The following PPFIA1 variants were observed in gnomAD, a reference collection of about 807,000 sequenced individuals.
The protein encoded by PPFIA1 is PPFI scaffold protein A1.
PPFIA1 carries 25 observed loss-of-function variants against 149.9 expected under a neutral mutation model. The observed-to-expected ratio is 0.17, with a 90% CI of 0.12 to 0.23. PPFIA1 has a LOEUF of 0.23. Ranked by LOEUF, PPFIA1 falls within the 10% of genes least tolerant of loss-of-function variation. PPFIA1 has a pLI of 1.00. For missense variants in PPFIA1, 1,362 were observed against 1,506.5 expected, an observed-to-expected ratio of 0.90 and a Z score of 1.59; for synonymous variants, 549 against 552.8, an observed-to-expected ratio of 0.99 and a Z score of 0.10.
At chr11:70,279,172 T>G (rs1449004512) in intron 2 of PPFIA1, 1 of 473,114 alleles carries the variant, frequency 2.1e-6, no homozygotes, top group East Asian at 4.9e-5. Context: ...CGTCCAGGAC[T>G]GATTGTCCTA....
At chr11:70,371,461 G>GTTGTTGGGTGGATTGTTGTA (rs2057250899) in intron 21 of PPFIA1, 18 of 5,124 alleles carry the variant, frequency 3.5e-3, no homozygotes, top group African/African-American at 9.0e-3. Flanking sequence ...GGCGTGTTCT[G>GTTGTTGGGTGGATTGTTGTA]TATTCTCTTG....
At chr11:70,319,870 T>G (rs928681237) in intron 2 of PPFIA1, 4 of 152,194 alleles carry the variant, frequency 2.6e-5, no homozygotes, top group African/African-American at 9.7e-5. Flanking sequence ...TACAGCATGT[T>G]CAGAATTCAG....
intron 27 of PPFIA1, among the ~76,000 whole-genome samples, chr11:70,382,540 C>T (rs2057752325): frequency 2.0e-5 from 3 of 152,072 alleles, no homozygotes; most frequent in Non-Finnish European, 4.4e-5. Context: ...GATTCCTAAG[C>T]TTGCTTTGTT....
intron 2 of PPFIA1, among the ~76,000 whole-genome samples, chr11:70,293,615 T>C (rs2051689278): frequency 6.6e-6 from 1 of 152,220 alleles, no homozygotes; most frequent in Non-Finnish European, 1.5e-5. Context: ...TGGCGTCTTC[T>C]GGTCTGCCAT....
At chr11:70,353,064 G>A (rs577378177) in intron 16 of PPFIA1, among the ~76,000 whole-genome samples, 2 of 152,312 alleles carry the variant, frequency 1.3e-5, no homozygotes, top group South Asian at 2.1e-4. Flanking sequence ...ATTAGGAAAG[G>A]ATGCAGGATT....
chr11:70,354,291 C>A lies in PPFIA1; in HGVS notation c.2164-10C>A. ...CTGTTAACTAACTTTGCACTTCTCTCACCCCTCAGTTGCCACCTTCCAGAG... is the reference window on the plus strand; with the variant it reads ...CTGTTAACTAACTTTGCACTTCTCTAACCCCTCAGTTGCCACCTTCCAGAG... On this transcript the variant is annotated splice_polypyrimidine_tract_variant and intron_variant, in intron 16 of 27. Coordinates refer to ENST00000253925, the MANE Select transcript of PPFIA1 (RefSeq NM_003626.5). 1 of 1,607,724 alleles carries A rather than the reference C, an allele frequency of 6.2e-7. No homozygotes were observed. Among genetic ancestry groups the A allele is most frequent in the Non-Finnish European group, 8.5e-7 (1 of 1,176,674 alleles).
At chr11:70,280,177 G>A (rs1231739803) in intron 2 of PPFIA1, among the ~76,000 whole-genome samples, 1 of 151,316 alleles carries the variant, frequency 6.6e-6, no homozygotes, top group Non-Finnish European at 1.5e-5. Context: ...GAAAGTGTTG[G>A]GATTACAGGC....
chr11:70,307,325 T>A (rs1302872556), intron 2 of PPFIA1, among the ~76,000 whole-genome samples: 2 of 152,180 alleles, frequency 1.3e-5, no homozygotes, highest in Middle Eastern at 3.2e-3. Context: ...ATAAACCTCA[T>A]CAGTAGTTGA....
chr11:70,355,617 G>C (rs1353525757), intron 17 of PPFIA1, 22 bp from the exon 18 acceptor site: 4 of 1,581,576 alleles, frequency 2.5e-6, no homozygotes, highest in Non-Finnish European at 1.7e-6. Context: ...ACATAGTAAA[G>C]ATCCGTTTTC....
At chr11:70,291,444 G>A (rs2051517367) in intron 2 of PPFIA1, among the ~76,000 whole-genome samples, 1 of 152,140 alleles carries the variant, frequency 6.6e-6, no homozygotes, top group African/African-American at 2.4e-5. Flanking sequence ...GATGCAGAAA[G>A]GCTTAAAGAA....
intron 2 of PPFIA1, among the ~76,000 whole-genome samples, chr11:70,288,115 C>A (rs1161721623): frequency 6.6e-6 from 1 of 150,992 alleles, no homozygotes; most frequent in African/African-American, 2.4e-5. Flanking sequence ...TGCTCTGTCG[C>A]CCAGGCTGGA....
chr11:70,273,392 G>A (rs1220268936), intron 2 of PPFIA1, among the ~76,000 whole-genome samples: 4 of 152,208 alleles, frequency 2.6e-5, no homozygotes. Context: ...AAGGGAGAAA[G>A]TAAAAACTAG....
At chr11:70,302,214 A>T (rs1007081645) in intron 2 of PPFIA1, among the ~76,000 whole-genome samples, 1 of 152,188 alleles carries the variant, frequency 6.6e-6, no homozygotes, top group African/African-American at 2.4e-5. Context: ...GATCGTGGGG[A>T]TGGCAGCAGT....
At chr11:70,316,557 G>A (rs2136637167) in intron 2 of PPFIA1, among the ~76,000 whole-genome samples, 1 of 152,356 alleles carries the variant, frequency 6.6e-6, no homozygotes, top group African/African-American at 2.4e-5. Context: ...GAAGAGGAAA[G>A]GGTAAGGGGT....
Position 70,354,371 on chromosome 11 carries a change from C to G in PPFIA1, c.2234C>G (p.Ser745Cys). ...TIKCETSPPSSPRALRLDRLH... is the reference protein window; with the variant it reads ...TIKCETSPPSCPRALRLDRLH... ...AAGTGTGAAACCTCCCCGCCTTCCT[C>G]CCCGAGAGCCCTTCGGTTAGACCGG... Residue 745 changes from serine to cysteine, a missense_variant, in exon 17 of 28, where the codon TCC (serine) becomes TGC (cysteine). Ser to Cys is a moderately radical substitution (Grantham distance 112). Coordinates refer to ENST00000253925, the MANE Select transcript of PPFIA1 (RefSeq NM_003626.5). 1 of 1,614,126 alleles carries G rather than the reference C, an allele frequency of 6.2e-7. No individual in the cohort carries two copies.
At chr11:70,300,800 T>C (rs1463110238) in intron 2 of PPFIA1, among the ~76,000 whole-genome samples, 2 of 152,244 alleles carry the variant, frequency 1.3e-5, no homozygotes, top group Non-Finnish European at 2.9e-5. Context: ...CCCAAAGTGC[T>C]GGGATTACAG....
At position 70,379,794 on chromosome 11, in the gene PPFIA1, A is replaced by G. The variant is rs151151279; in HGVS notation, c.3550+1599A>G. On this transcript the variant is annotated intron_variant, in intron 26 of 27. Coordinates refer to ENST00000253925, the MANE Select transcript of PPFIA1 (RefSeq NM_003626.5). Reference sequence around the variant, plus strand: ...TGGACGCTTTGGGTGAGAATAGCTTACTTTGTGGCATTTTTAGTAAAAAGC... The same window carrying G: ...TGGACGCTTTGGGTGAGAATAGCTTGCTTTGTGGCATTTTTAGTAAAAAGC... Among the ~76,000 whole-genome samples, 417 of 152,320 alleles carry G rather than the reference A, an allele frequency of 2.7e-3. 3 individuals are homozygous for G. The highest frequency in any genetic ancestry group is 9.5e-3 in the African/African-American group (395 of 41,576).
intron 25 of PPFIA1, 84 bp from the exon 26 acceptor site, chr11:70,377,946 C>T: frequency 9.6e-7 from 1 of 1,043,548 alleles, no homozygotes; most frequent in Non-Finnish European, 1.4e-6. Flanking sequence ...TCGAGATCAG[C>T]AGTCATTTTA....
At chr11:70,308,762 A>AAAAAC (rs546172482) in intron 2 of PPFIA1, among the ~76,000 whole-genome samples, 134 of 152,164 alleles carry the variant, frequency 8.8e-4, no homozygotes, top group African/African-American at 2.9e-3. Flanking sequence ...CATCTCTTAA[A>AAAAAC]AAAACAAAAC....
Sources: gnomAD v4.1 joint callset for allele counts (sites outside exome capture counted in the v4.1 genomes callset) on GRCh38, gnomAD v4.1.1 for gene constraint, MANE v1.5 for transcripts, NCBI Gene and HGNC (gene_info 2026-07-23, HGNC 2026-07-21) for gene names.